SMG6: variants seen among roughly 807,000 people sequenced by gnomAD.
SMG6 encodes SMG6 nonsense mediated mRNA decay factor, also known as telomerase-binding protein EST1A.
A neutral mutation model predicts 142.2 loss-of-function variants in SMG6; 66 were observed. That is an observed-to-expected ratio of 0.46 (90% CI 0.38 to 0.57). SMG6 has a LOEUF of 0.57. SMG6 is among the 20% of genes least tolerant of loss of function. The probability of loss-of-function intolerance (pLI) is 0.00; values close to 1 mark genes in which losing one functional copy is unlikely to be tolerated. For synonymous variants in SMG6, 779 were observed against 702.4 expected (o/e 1.11, Z -1.72); for missense variants, 1,793 against 1,832.0 (o/e 0.98, Z 0.39).
intron 12 of SMG6, among the ~76,000 whole-genome samples, chr17:2,179,028 C>T (rs1199810603): frequency 3.3e-5 from 5 of 152,206 alleles, no homozygotes; most frequent in Non-Finnish European, 7.4e-5. Flanking sequence ...CTTCCTCTCA[C>T]AAGGAGTCCT....
chr17:2,185,497 A>T (rs1219364804), intron 12 of SMG6, among the ~76,000 whole-genome samples: 1 of 152,054 alleles, frequency 6.6e-6, no homozygotes, highest in Non-Finnish European at 1.5e-5. Context: ...CTCCACAATT[A>T]AAAAAAAGAA....
At chr17:2,172,157 G>A (rs1286715191) in intron 13 of SMG6, among the ~76,000 whole-genome samples, 2 of 152,146 alleles carry the variant, frequency 1.3e-5, no homozygotes, top group Non-Finnish European at 1.5e-5. Context: ...ATAGAAACCA[G>A]GCAGTGGGGA....
Position 2,065,543 on chromosome 17 carries a change from G to A in SMG6, c.3972C>T (p.Cys1324=), listed in dbSNP as rs1437982547. 1 of 1,614,018 alleles carries A rather than the reference G, an allele frequency of 6.2e-7. No homozygotes were observed. The highest frequency in any genetic ancestry group is 1.7e-5 in the Admixed American group (1 of 60,030). Residue 1324 remains cysteine (C), a synonymous_variant, in exon 17 of 19, where the codon TGC becomes TGT. Coordinates refer to ENST00000263073, the MANE Select transcript of SMG6 (RefSeq NM_017575.5). ...LEQRFESRDS[C]LRALTSRGNE... ...TGCCACGGCTGGTCAGGGCTCGCAG[G>A]CAAGAGTCCCGACTCTCGAATCGCT...
chr17:2,198,385 C>T (rs1237114596), intron 10 of SMG6, among the ~76,000 whole-genome samples: 1 of 152,120 alleles, frequency 6.6e-6, no homozygotes, highest in Non-Finnish European at 1.5e-5. Context: ...CAGGAAGGAG[C>T]TTTGAGTGTT....
At chr17:2,066,342 GTGTA>G (rs548126515) in intron 16 of SMG6, among the ~76,000 whole-genome samples, 213 of 150,646 alleles carry the variant, frequency 1.4e-3, no homozygotes, top group African/African-American at 5.0e-3. Context: ...ATGTGTATGC[GTGTA>G]TGTGTGTACA....
intron 10 of SMG6, chr17:2,216,081 C>A (rs2073011008): frequency 6.6e-6 from 1 of 152,174 alleles, no homozygotes; most frequent in African/African-American, 2.4e-5. Context: ...TTCCGCTACA[C>A]TTTCTTTTAA....
At chr17:2,167,840 A>G (rs2071388468) in intron 13 of SMG6, among the ~76,000 whole-genome samples, 1 of 152,246 alleles carries the variant, frequency 6.6e-6, no homozygotes, top group Admixed American at 6.5e-5. Flanking sequence ...GAACACTAGA[A>G]GCTGGAGGAA....
At chr17:2,088,208 C>T in intron 13 of SMG6, 2 of 985,414 alleles carry the variant, frequency 2.0e-6, no homozygotes, top group Non-Finnish European at 2.4e-6. Context: ...GCTGCTAGAG[C>T]ACGGGCTACA....
chr17:2,081,819 T>C lies in SMG6; in HGVS notation c.3672A>G (p.Glu1224=). The change falls in exon 15 of 19, where the codon GAA becomes GAG. Residue 1224 remains glutamate, a synonymous_variant. Transcript: ENST00000263073. ...RKIAEQQRRQ[E]KIQAVLEDHS... is the part of the protein sequence containing the mutation. ...CCCAGGCCGACTTCACCTGGATCTT[T>C]TCCTGGCGACGCTGCTGCTCAGCTA... 2 of 1,613,534 alleles carry C rather than the reference T, an allele frequency of 1.2e-6. No homozygotes were observed. Among genetic ancestry groups the C allele is most frequent in the Non-Finnish European group, 1.7e-6 (2 of 1,180,030 alleles).
intron 13 of SMG6, among the ~76,000 whole-genome samples, chr17:2,134,185 C>T (rs1227678487): frequency 1.3e-5 from 2 of 151,824 alleles, no homozygotes; most frequent in East Asian, 1.9e-4. Flanking sequence ...TTTGGGAGGC[C>T]GATGTGGGTG....
chr17:2,265,124 CA>C (rs1383429210), intron 8 of SMG6, among the ~76,000 whole-genome samples: 1 of 152,082 alleles, frequency 6.6e-6, no homozygotes, highest in Non-Finnish European at 1.5e-5. Flanking sequence ...AGAATATGAC[CA>C]CCCATCCCAG....
intron 8 of SMG6, among the ~76,000 whole-genome samples, chr17:2,276,697 A>C (rs369318033): frequency 8.0e-5 from 12 of 150,716 alleles, no homozygotes; most frequent in African/African-American, 2.7e-4. Flanking sequence ...CTGTCCATCA[A>C]ATTTTAAGTA....
intron 13 of SMG6, chr17:2,127,745 G>A: frequency 1.8e-6 from 1 of 559,754 alleles, no homozygotes; most frequent in Middle Eastern, 4.8e-4. Context: ...AACTGATGTA[G>A]TTTGAGTTTT....
chr17:2,167,974 TCTC>T (rs1344169603), intron 13 of SMG6, among the ~76,000 whole-genome samples: 1 of 152,086 alleles, frequency 6.6e-6, no homozygotes, highest in Non-Finnish European at 1.5e-5. Flanking sequence ...CTTAAAAAGT[TCTC>T]CTGCCTCAGG....
At chr17:2,292,789 A>AC in intron 5 of SMG6, 82 bp downstream of exon 5, 1 of 1,409,972 alleles carries the variant, frequency 7.1e-7, no homozygotes, top group South Asian at 1.2e-5. Flanking sequence ...CCTGTACAAC[A>AC]CCCACATGGC....
At chr17:2,179,499 G>A (rs544900130) in intron 12 of SMG6, among the ~76,000 whole-genome samples, 1 of 152,148 alleles carries the variant, frequency 6.6e-6, no homozygotes, top group African/African-American at 2.4e-5. Flanking sequence ...ACCTCAGAGG[G>A]CTCCCTACGA....
chr17:2,100,108 G>A (rs1475541918), intron 13 of SMG6, among the ~76,000 whole-genome samples: 1 of 151,088 alleles, frequency 6.6e-6, no homozygotes, highest in African/African-American at 2.4e-5. Flanking sequence ...CACAATCTTG[G>A]CTCACTGAAA....
intron 10 of SMG6, chr17:2,200,159 G>C (rs1347062540): frequency 6.6e-6 from 1 of 151,818 alleles, no homozygotes; most frequent in East Asian, 2.0e-4. Flanking sequence ...GACCTCAAGT[G>C]ATCCACCCAC....
chr17:2,294,598 C>T (rs1488823021), intron 4 of SMG6, among the ~76,000 whole-genome samples: 1 of 152,242 alleles, frequency 6.6e-6, no homozygotes, highest in East Asian at 1.9e-4. Context: ...TGCATCTACA[C>T]ATACACCTTC....
Sources: gnomAD v4.1 joint callset for allele counts (sites outside exome capture counted in the v4.1 genomes callset) on GRCh38, gnomAD v4.1.1 for gene constraint, MANE v1.5 for transcripts, NCBI Gene and HGNC (gene_info 2026-07-23, HGNC 2026-07-21) for gene names.